Variants in AGPAT4 observed in about 807,000 individuals in gnomAD.
AGPAT4 encodes the protein 1-acylglycerol-3-phosphate O-acyltransferase 4, also known as 1-acyl-sn-glycerol-3-phosphate acyltransferase delta.
A neutral mutation model predicts 48.0 loss-of-function variants in AGPAT4; 15 were observed. That is an observed-to-expected ratio of 0.31 (90% CI 0.21 to 0.48). The LOEUF (loss-of-function observed/expected upper bound fraction) is 0.48. Among genes scored for constraint, AGPAT4 ranks in the 20% least tolerant of loss-of-function variants. The pLI, the probability that AGPAT4 is intolerant of heterozygous loss-of-function variation, is 0.99. For missense variants in AGPAT4, 314 were observed against 482.5 expected (o/e 0.65, Z 3.27); for synonymous variants, 178 against 198.7 (o/e 0.90, Z 0.88).
intron 1 of AGPAT4, among the ~76,000 whole-genome samples, chr6:161,268,534 C>T (rs1167753541): frequency 3.3e-5 from 5 of 152,102 alleles, no homozygotes; most frequent in African/African-American, 1.2e-4. Context: ...TGGCTTCAAA[C>T]TAACATAAAA....
chr6:161,165,460 T>C lies in AGPAT4; in HGVS notation c.348+788A>G. 1 of 530,104 alleles carries C rather than the reference T, an allele frequency of 1.9e-6. No individual in the cohort carries two copies. Among genetic ancestry groups the C allele is most frequent in the Non-Finnish European group, 2.8e-6 (1 of 354,062 alleles). 32.8% of individuals were successfully genotyped at this position (530,104 alleles called of 1,614,324 possible). A position where few individuals can be genotyped will look rare whatever the true frequency, so the allele number is the denominator to read the frequency against. ...ATTTCAGCAGCCCCCGTATCTGTTC[T>C]ACAGGGCATTGTTCCCAGGTGCAAA... On this transcript the variant is annotated intron_variant, in intron 3 of 8. Coordinates refer to ENST00000320285, the MANE Select transcript of AGPAT4 (RefSeq NM_020133.3). This position sits in a 1 kb window ranked among gnomAD's most constrained non-coding sequence, Gnocchi z 5.5.
chr6:161,219,941 GGC>G lies in AGPAT4; in HGVS notation c.178+12093_178+12094del, dbSNP rs1491267651. Among the ~76,000 whole-genome samples, 91 of 146,744 alleles carry G rather than the reference GGC, an allele frequency of 6.2e-4. 1 individual carries two copies. The highest frequency in any genetic ancestry group is 2.5e-3 in the South Asian group (12 of 4,768). ...CGGCAGGCAGGCAGGCAGGCAGGCAGGCAGGCAGACAGACAGACAGACAGACA... is the reference window on the plus strand; with the variant it reads ...CGGCAGGCAGGCAGGCAGGCAGGCAGAGGCAGACAGACAGACAGACAGACA... On this transcript the variant is annotated intron_variant, in intron 2 of 8. Coordinates refer to ENST00000320285, the MANE Select transcript of AGPAT4 (RefSeq NM_020133.3). The surrounding 1 kb of genome is among the most constrained non-coding windows in gnomAD (Gnocchi z 4.9).
rs371787889 is a variant in AGPAT4, at chr6:161,149,216, T to G, written c.738A>C (p.Gly246=). ...ENPTLLGVLN[G]KKYHADLYVR... Reference sequence around the variant, plus strand: ...CATACAAATCTGCATGGTATTTCTTTCCGTTTAGGACTCCCAGCAGTGTTG... The same window carrying G: ...CATACAAATCTGCATGGTATTTCTTGCCGTTTAGGACTCCCAGCAGTGTTG... Residue 246 remains glycine (G), a synonymous_variant, in exon 6 of 9, where the codon GGA becomes GGC. Coordinates refer to ENST00000320285, the MANE Select transcript of AGPAT4 (RefSeq NM_020133.3). This position sits in a 1 kb window ranked among gnomAD's most constrained non-coding sequence, Gnocchi z 6.5. 1 of 1,613,692 alleles carries G rather than the reference T, an allele frequency of 6.2e-7. No homozygotes were observed. The highest frequency in any genetic ancestry group is 1.3e-5 in the African/African-American group (1 of 74,946).
In AGPAT4 at chr6:161,162,000, G is replaced by C. The variant is rs1316385499; in HGVS notation, c.348+4248C>G. On this transcript the variant is annotated intron_variant, in intron 3 of 8. Transcript: ENST00000320285. The surrounding 1 kb of genome is among the most constrained non-coding windows in gnomAD (Gnocchi z 4.6). The stretch of plus-strand genomic sequence containing the variant: ...ATTGATTTATGTTTATAGAGACAGA[G>C]ATCTCACTGTGTTGCCCAGACTGGT... The C allele has an allele frequency of 6.1e-6, 1 of 163,580 alleles. No homozygotes were observed. Among genetic ancestry groups the C allele is most frequent in the Non-Finnish European group, 1.4e-5 (1 of 73,850 alleles). 10.1% of individuals were successfully genotyped at this position (163,580 alleles called of 1,614,324 possible).
chr6:161,198,557 T>C lies in AGPAT4; in HGVS notation c.179-32140A>G, dbSNP rs1322245251. Among the ~76,000 whole-genome samples the C allele has an allele frequency of 1.3e-5, 2 of 152,234 alleles. No homozygotes were observed. The highest frequency in any genetic ancestry group is 4.8e-5 in the African/African-American group (2 of 41,468). ...AACCAGGTGGCAAACACTACCTTTA[T>C]GGTAGAATTTAGACACATAATTGCT... On this transcript the variant is annotated intron_variant, in intron 2 of 8. Coordinates refer to ENST00000320285, the MANE Select transcript of AGPAT4 (RefSeq NM_020133.3). The surrounding 1 kb of genome is among the most constrained non-coding windows in gnomAD (Gnocchi z 4.3).
In AGPAT4 at chr6:161,131,274, T is replaced by A. The variant is rs957221585; in HGVS notation, c.*5266A>T. The A allele has an allele frequency of 2.9e-5, 5 of 170,988 alleles. No homozygotes were observed. The highest frequency in any genetic ancestry group is 1.2e-4 in the African/African-American group (5 of 42,074). 10.6% of individuals were successfully genotyped at this position (170,988 alleles called of 1,614,324 possible). On this transcript the variant is annotated 3_prime_UTR_variant, in exon 9 of 9. Transcript: ENST00000320285. ...TCTAAGTAGGTGCTTAAGAACTGCT[T>A]TTTAACCCATTCACAACCTTCATAT...
intron 1 of AGPAT4, among the ~76,000 whole-genome samples, chr6:161,258,605 T>G (rs1783006250): frequency 6.6e-6 from 1 of 152,136 alleles, no homozygotes; most frequent in Non-Finnish European, 1.5e-5. Context: ...CAACTTCAGC[T>G]TTGGACTTCA....
chr6:161,186,145 C>G (rs1218462263), intron 2 of AGPAT4, among the ~76,000 whole-genome samples: 1 of 152,178 alleles, frequency 6.6e-6, no homozygotes, highest in African/African-American at 2.4e-5. Context: ...CCCCCCACTT[C>G]TTGGGAGGCT....
rs1001153283 is a variant in AGPAT4 at position 161,155,558 on chromosome 6, T to C, written c.349-1248A>G. Among the ~76,000 whole-genome samples the C allele has an allele frequency of 6.6e-6, 1 of 152,142 alleles. No homozygotes were observed. Among genetic ancestry groups the C allele is most frequent in the African/African-American group, 2.4e-5 (1 of 41,438 alleles). On this transcript the variant is annotated intron_variant, in intron 3 of 8. Transcript: ENST00000320285. The surrounding 1 kb of genome is among the most constrained non-coding windows in gnomAD (Gnocchi z 5.8). ...CTAAACAGCCAATTGCTACCCTACT[T>C]TAAAAAAACAAGAAACTTCTTCCCT...
At chr6:161,136,800 G>C (rs1023930376) in intron 8 of AGPAT4, among the ~76,000 whole-genome samples, 166 bp from the exon 9 acceptor site, 1 of 152,222 alleles carries the variant, frequency 6.6e-6, no homozygotes, top group Admixed American at 6.5e-5. Flanking sequence ...AATCATCCTT[G>C]AGTGTGGACA....
Position 161,203,938 on chromosome 6 carries a change from C to T in AGPAT4, c.178+28098G>A, listed in dbSNP as rs1781312054. On this transcript the variant is annotated intron_variant, in intron 2 of 8. Coordinates refer to ENST00000320285, the MANE Select transcript of AGPAT4 (RefSeq NM_020133.3). ...CACATTGAAAGCATTCAATCAGGGA[C>T]TCTTTATGATGCTACACAGACTTGC... Among the ~76,000 whole-genome samples, 9 of 152,250 alleles carry T rather than the reference C, an allele frequency of 5.9e-5. No individual in the cohort carries two copies. The South Asian group carries it at 1.7e-3, about 28-fold the overall frequency.
Position 161,139,602 on chromosome 6 carries a change from ACTC to A in AGPAT4, c.859_861del (p.Glu287del). On this transcript the variant is annotated inframe_deletion, in exon 8 of 9. Coordinates refer to ENST00000320285, the MANE Select transcript of AGPAT4 (RefSeq NM_020133.3). This position sits in a 1 kb window ranked among gnomAD's most constrained non-coding sequence, Gnocchi z 9.1. ...TCTGGGAAGGTGCCCGTCCTGTAGT[ACTC>A]CTCCTGAAAGGCATCCTGGGGGACA... 1.9e-6 allele frequency: 3 copies of A among 1,604,440 alleles called. No homozygotes were observed. Among genetic ancestry groups the A allele is most frequent in the Non-Finnish European group, 2.6e-6 (3 of 1,173,256 alleles).
chr6:161,216,381 C>G lies in AGPAT4; in HGVS notation c.178+15655G>C, dbSNP rs917105684. On this transcript the variant is annotated intron_variant, in intron 2 of 8. Coordinates refer to ENST00000320285, the MANE Select transcript of AGPAT4 (RefSeq NM_020133.3). The surrounding 1 kb of genome is among the most constrained non-coding windows in gnomAD (Gnocchi z 4.8). ...TGCGTCTCTTGTCCAGGATGACAGA[C>G]AACCTCTGCAACTGCCTTCTACAAT... Among the ~76,000 whole-genome samples, 2 of 152,204 alleles carry G rather than the reference C, an allele frequency of 1.3e-5. No homozygotes were observed. Among genetic ancestry groups the G allele is most frequent in the Admixed American group, 6.5e-5 (1 of 15,288 alleles).
Position 161,220,772 on chromosome 6 carries a change from G to A in AGPAT4, c.178+11264C>T, listed in dbSNP as rs149500038. Among the ~76,000 whole-genome samples the A allele has an allele frequency of 1.6e-4, 24 of 152,010 alleles. No individual in the cohort carries two copies. Among genetic ancestry groups the A allele is most frequent in the African/African-American group, 4.8e-4 (20 of 41,464 alleles). Reference sequence around the variant, plus strand: ...AAGCCATTCTGAAGACTCGGACAGCGTAGATATATTTTATTTTATTTTTAT... The same window carrying A: ...AAGCCATTCTGAAGACTCGGACAGCATAGATATATTTTATTTTATTTTTAT... On this transcript the variant is annotated intron_variant, in intron 2 of 8. Coordinates refer to ENST00000320285, the MANE Select transcript of AGPAT4 (RefSeq NM_020133.3). The surrounding 1 kb of genome is among the most constrained non-coding windows in gnomAD (Gnocchi z 6.0).
chr6:161,212,829 G>A lies in AGPAT4; in HGVS notation c.178+19207C>T, dbSNP rs1215319168. On this transcript the variant is annotated intron_variant, in intron 2 of 8. Coordinates refer to ENST00000320285, the MANE Select transcript of AGPAT4 (RefSeq NM_020133.3). This position sits in a 1 kb window ranked among gnomAD's most constrained non-coding sequence, Gnocchi z 6.1. ...ACTCTAACAGGTGTTCTTAAATGCA[G>A]GTTTCTGATAACTAACTTATAACAA... 2.6e-5 allele frequency among the ~76,000 whole-genome samples: 4 copies of A among 152,146 alleles called. No individual in the cohort carries two copies. The highest frequency in any genetic ancestry group is 5.9e-5 in the Non-Finnish European group (4 of 68,018).
chr6:161,241,263 CAAAA>C (rs61634719), intron 1 of AGPAT4, among the ~76,000 whole-genome samples: 3,524 of 90,508 alleles, frequency 0.039, 160 homozygotes, highest in African/African-American at 0.12. Flanking sequence ...AACTCTGTCT[CAAAA>C]AAAAAAAAAA....
In AGPAT4 at chr6:161,226,754, G is replaced by C. The variant is rs1237395713; in HGVS notation, c.178+5282C>G. On this transcript the variant is annotated intron_variant, in intron 2 of 8. Coordinates refer to ENST00000320285, the MANE Select transcript of AGPAT4 (RefSeq NM_020133.3). The surrounding 1 kb of genome is among the most constrained non-coding windows in gnomAD (Gnocchi z 6.3). ...CCACAGAGAGGTTACCATAGAGGAGGCTCCTGAGAGGCCACCTTGCCTTCC... is the reference window on the plus strand; with the variant it reads ...CCACAGAGAGGTTACCATAGAGGAGCCTCCTGAGAGGCCACCTTGCCTTCC... 6.6e-6 allele frequency among the ~76,000 whole-genome samples: 1 copy of C among 152,178 alleles called. No homozygotes were observed. The highest frequency in any genetic ancestry group is 2.1e-4 in the South Asian group (1 of 4,828).
At position 161,178,305 on chromosome 6, in the gene AGPAT4, T is replaced by C. The variant is rs1011649389; in HGVS notation, c.179-11888A>G. ...ACCCAATTCAAGCTTCCCAGCCACT[T>C]TGTTTACCTACTCAAGCCTCAGCAA... On this transcript the variant is annotated intron_variant, in intron 2 of 8. Transcript: ENST00000320285. The surrounding 1 kb of genome is among the most constrained non-coding windows in gnomAD (Gnocchi z 5.1). 6.6e-6 allele frequency among the ~76,000 whole-genome samples: 1 copy of C among 152,194 alleles called. No homozygotes were observed. Among genetic ancestry groups the C allele is most frequent in the Non-Finnish European group, 1.5e-5 (1 of 68,030 alleles).
Position 161,149,463 on chromosome 6 carries a change from T to A in AGPAT4, c.665-174A>T, listed in dbSNP as rs1397061608. ...CATGTTCTACACTGAATGTGTATTA[T>A]CTTTTGTAATCATAAAATCCCACTA... On this transcript the variant is annotated intron_variant, in intron 5 of 8. Coordinates refer to ENST00000320285, the MANE Select transcript of AGPAT4 (RefSeq NM_020133.3). The surrounding 1 kb of genome is among the most constrained non-coding windows in gnomAD (Gnocchi z 6.5). Among the ~76,000 whole-genome samples, 1 of 152,240 alleles carries A rather than the reference T, an allele frequency of 6.6e-6. No homozygotes were observed. The highest frequency in any genetic ancestry group is 1.5e-5 in the Non-Finnish European group (1 of 68,046).
Sources: gnomAD v4.1 joint callset for allele counts (sites outside exome capture counted in the v4.1 genomes callset) on GRCh38, gnomAD v4.1.1 for gene constraint, Gnocchi (gnomAD v3.1) non-coding constraint, MANE v1.5 for transcripts, NCBI Gene and HGNC (gene_info 2026-07-23, HGNC 2026-07-21) for gene names.